Variants in DHX30 observed in about 807,000 individuals in gnomAD.
DHX30 encodes the protein ATP-dependent RNA helicase DHX30.
A neutral mutation model predicts 116.9 loss-of-function variants in DHX30; 4 were observed. The ratio of observed to expected loss-of-function variants is 0.03; its 90% CI spans 0.02 to 0.08. The LOEUF (loss-of-function observed/expected upper bound fraction) is 0.08. DHX30 is among the 10% of genes least tolerant of loss of function. DHX30 has a pLI of 1.00. For missense variants in DHX30, 871 were observed against 1,595.1 expected (o/e 0.55, Z 7.73); for synonymous variants, 697 against 651.7 (o/e 1.07, Z -1.06).
At chr3:47,815,873 T>C in intron 3 of DHX30, 1 of 954,862 alleles carries the variant, frequency 1.0e-6, no homozygotes, top group African/African-American at 1.8e-5. Flanking sequence ...TATGGGATTG[T>C]AACAACTCTC....
At chr3:47,828,985 G>A in intron 5 of DHX30, 39 bp from the exon 6 acceptor site, 2 of 1,301,696 alleles carry the variant, frequency 1.5e-6, no homozygotes, top group Non-Finnish European at 2.2e-6. Context: ...CTCTAGTCTG[G>A]AGTGGCAAGA....
At chr3:47,832,620 T>C (rs2036911618) in intron 6 of DHX30, among the ~76,000 whole-genome samples, 3 of 151,780 alleles carry the variant, frequency 2.0e-5, no homozygotes, top group South Asian at 4.2e-4. Flanking sequence ...TCACGGAACA[T>C]CTAATTCTTT....
At chr3:47,839,998 C>A (rs1412458378) in intron 6 of DHX30, among the ~76,000 whole-genome samples, 2 of 102,196 alleles carry the variant, frequency 2.0e-5, no homozygotes, top group African/African-American at 3.0e-5. Flanking sequence ...TTTTTCTTTT[C>A]TTTTCTTTTT....
At chr3:47,805,103 G>A (rs1371758360) in intron 1 of DHX30, among the ~76,000 whole-genome samples, 3 of 152,204 alleles carry the variant, frequency 2.0e-5, no homozygotes, top group Admixed American at 1.3e-4. Context: ...GATGATGTCA[G>A]AAGACTTCAG....
chr3:47,815,723 CAAAAAAAAAAAAAAAAAAA>C (rs11349970), intron 3 of DHX30, among the ~76,000 whole-genome samples: 8 of 20,760 alleles, frequency 3.9e-4, no homozygotes, highest in Non-Finnish European at 6.5e-4. Flanking sequence ...TAAAAAAGAG[CAAAAAAAAAAAAAAAAAAA>C]AAAAAAAAAG....
Position 47,827,383 on chromosome 3 carries a change from A to G in DHX30, c.161A>G (p.Lys54Arg). The G allele has an allele frequency of 6.2e-7, 1 of 1,613,888 alleles. No homozygotes were observed. Among genetic ancestry groups the G allele is most frequent in the Non-Finnish European group, 8.5e-7 (1 of 1,179,904 alleles). The change falls in exon 5 of 22, where the codon AAA becomes AGA. Residue 54 changes from lysine (K) to arginine (R), a missense_variant. By Grantham distance (26) the Lys-to-Arg change is conservative. This residue lies in a region of DHX30 where 66 missense variants were observed against 153.9 expected (regional missense o/e 0.43). Coordinates refer to ENST00000445061, the MANE Select transcript of DHX30 (RefSeq NM_138615.3). ...CTATTAAAAGAGTTCCCACAGCCCA[A>G]AAATCTTCTCAACAGTGTGATTGGA... ...RDLLKEFPQP[K>R]NLLNSVIGRA...
intron 6 of DHX30, among the ~76,000 whole-genome samples, chr3:47,838,704 CTGTCCCGCAGACTT>C (rs1237272534): frequency 6.6e-6 from 1 of 152,170 alleles, no homozygotes; most frequent in Non-Finnish European, 1.5e-5. Flanking sequence ...CTTGTTCTTG[CTGTCCCGCAGACTT>C]TGTCGCCTTT....
At chr3:47,833,559 GAA>G (rs2036965960) in intron 6 of DHX30, among the ~76,000 whole-genome samples, 1 of 81,654 alleles carries the variant, frequency 1.2e-5, no homozygotes, top group South Asian at 3.7e-4. Flanking sequence ...AAAAAAAAAA[GAA>G]AGAGCACCTA....
chr3:47,820,293 A>G (rs2036240504), intron 4 of DHX30, among the ~76,000 whole-genome samples: 1 of 152,044 alleles, frequency 6.6e-6, no homozygotes, highest in African/African-American at 2.4e-5. Flanking sequence ...TAGCCTGGGC[A>G]ACAGAGCGAG....
rs780627833 is a variant in DHX30, at chr3:47,818,025, G to A, written c.32G>A (p.Arg11Gln). The A allele has an allele frequency of 9.0e-6, 7 of 780,992 alleles. No individual in the cohort carries two copies. Among genetic ancestry groups the A allele is most frequent in the South Asian group, 4.0e-5 (3 of 74,626 alleles). The allele number at this position is 780,992 out of a possible 1,614,324, so 48.4% of individuals were successfully genotyped here. A position where few individuals can be genotyped will look rare whatever the true frequency, so the allele number is the denominator to read the frequency against. Residue 11 changes from arginine (R) to glutamine (Q), a missense_variant, in exon 4 of 22, where the codon CGG becomes CAG. By Grantham distance (43) the Arg-to-Gln change is conservative (BLOSUM62 1). This residue lies in a region of DHX30 where 66 missense variants were observed against 153.9 expected (regional missense o/e 0.43). Transcript: ENST00000445061. ...GATGCCCTCTCTCTTTCCCCAGATC[G>A]GGCCCAGCACAGGCAGCGTCAGTGC... is the stretch of plus-strand genomic sequence containing the variant. MFSLDSFRKD[R>Q]AQHRQRQCKL...
At position 47,847,528 on chromosome 3, in the gene DHX30, T is replaced by C; in HGVS notation, c.2102T>C (p.Ile701Thr). Residue 701 changes from isoleucine to threonine, a missense_variant, in exon 13 of 22, where the codon ATC (isoleucine) becomes ACC (threonine). By Grantham distance (89) the Ile-to-Thr change is moderately conservative. Transcript: ENST00000445061. This position sits in a 1 kb window ranked among gnomAD's most constrained non-coding sequence, Gnocchi z 5.5. Reference sequence around the variant, plus strand: ...GGCATGCACGAGAGCAAGTACCTCATCCTGCCAGGTGAGAGCCCCGGCGGA... The same window carrying C: ...GGCATGCACGAGAGCAAGTACCTCACCCTGCCAGGTGAGAGCCCCGGCGGA... The part of the protein sequence containing the change: ...ALGMHESKYL[I>T]LPVHSNIPMM... 1.2e-6 allele frequency: 2 copies of C among 1,607,016 alleles called. No homozygotes were observed. Among genetic ancestry groups the C allele is most frequent in the Non-Finnish European group, 1.7e-6 (2 of 1,176,426 alleles).
chr3:47,846,196 A>C lies in DHX30; in HGVS notation c.1124A>C (p.Glu375Ala). Residue 375 changes from glutamate (E) to alanine (A), a missense_variant, in exon 11 of 22, where the codon GAA (glutamate) becomes GCA (alanine). Glu to Ala is a moderately radical substitution (Grantham distance 107). Around this residue, in one of 13 missense-constraint regions of DHX30, gnomAD observed 175 missense variants for 292.9 expected, o/e 0.60. Coordinates refer to ENST00000445061, the MANE Select transcript of DHX30 (RefSeq NM_138615.3). ...GTGGAGAGTTCATGGATCGCCCCAG[A>C]ACTCCGGCTGCAGAGTGATGACATC... Reference protein sequence around the residue: ...YPVESSWIAPELRLQSDDILP... With the variant: ...YPVESSWIAPALRLQSDDILP... 1 of 1,613,818 alleles carries C rather than the reference A, an allele frequency of 6.2e-7. No homozygotes were observed. Among genetic ancestry groups the C allele is most frequent in the Non-Finnish European group, 8.5e-7 (1 of 1,180,008 alleles).
At position 47,826,743 on chromosome 3, in the gene DHX30, C is replaced by T. The variant is rs947489906; in HGVS notation, c.125-604C>T. Among the ~76,000 whole-genome samples the T allele has an allele frequency of 2.0e-5, 3 of 152,292 alleles. 1 individual carries two copies. The highest frequency in any genetic ancestry group is 4.1e-4 in the South Asian group (2 of 4,828). On this transcript the variant is annotated intron_variant, in intron 4 of 21. Coordinates refer to ENST00000445061, the MANE Select transcript of DHX30 (RefSeq NM_138615.3). The stretch of plus-strand genomic sequence containing the variant: ...CTGGGATTACAGGCGTGAGCCACCA[C>T]GCCCAGCCAGATGTAGAGGTCTTTA...
At chr3:47,826,393 G>A (rs1034256168) in intron 4 of DHX30, among the ~76,000 whole-genome samples, 45 of 151,532 alleles carry the variant, frequency 3.0e-4, no homozygotes, top group South Asian at 2.3e-3. Flanking sequence ...TGATTCCAGA[G>A]AACTTGGGGG....
At chr3:47,809,790 A>G (rs891456403) in intron 2 of DHX30, among the ~76,000 whole-genome samples, 4 of 152,198 alleles carry the variant, frequency 2.6e-5, no homozygotes, top group African/African-American at 7.2e-5. Context: ...GTAGACTCCA[A>G]TCAATGTTGG....
At chr3:47,823,116 A>G (rs1359060427) in intron 4 of DHX30, among the ~76,000 whole-genome samples, 9 of 151,132 alleles carry the variant, frequency 6.0e-5, no homozygotes, top group Non-Finnish European at 1.3e-4. Context: ...AAAAGAAAAG[A>G]AAGAAAAGAA....
intron 2 of DHX30, among the ~76,000 whole-genome samples, chr3:47,808,460 C>T (rs560465380): frequency 2.1e-4 from 32 of 151,944 alleles, no homozygotes; most frequent in Non-Finnish European, 2.9e-4. Flanking sequence ...TCAAGTGCTC[C>T]TCTCATCTCA....
At chr3:47,806,147 T>A (rs1443473820) in intron 2 of DHX30, among the ~76,000 whole-genome samples, 1 of 90,928 alleles carries the variant, frequency 1.1e-5, no homozygotes, top group African/African-American at 3.1e-5. Flanking sequence ...TTTTTGTATT[T>A]TTTTTTTTTT....
chr3:47,813,275 G>A (rs927768186), intron 3 of DHX30, among the ~76,000 whole-genome samples: 28 of 152,244 alleles, frequency 1.8e-4, no homozygotes, highest in Admixed American at 9.2e-4. Flanking sequence ...CCCAGGGGGC[G>A]GAGCTTGCAG....
Sources: gnomAD v4.1 joint callset for allele counts (sites outside exome capture counted in the v4.1 genomes callset) on GRCh38, gnomAD v4.1.1 for gene constraint, gnomAD v4.1.1 regional missense constraint, Gnocchi (gnomAD v3.1) non-coding constraint, MANE v1.5 for transcripts, NCBI Gene and HGNC (gene_info 2026-07-23, HGNC 2026-07-21) for gene names.